The following BIN2 variants were observed in gnomAD, a reference collection of about 807,000 sequenced individuals.
BIN2 encodes bridging integrator 2, also known as breast cancer associated protein BRAP1.
Under a neutral mutation model 67.9 loss-of-function variants are expected in BIN2, and 43 were observed. That is an observed-to-expected ratio of 0.63 (90% confidence interval 0.50 to 0.82). The LOEUF is 0.82. Ranked by LOEUF, BIN2 falls within the 40% of genes least tolerant of loss-of-function variation. BIN2 has a pLI of 0.00. For missense variants in BIN2, 581 were observed against 671.6 expected, an observed-to-expected ratio of 0.87 and a Z score of 1.49; for synonymous variants, 244 against 246.8, an observed-to-expected ratio of 0.99 and a Z score of 0.11.
intron 1 of BIN2, among the ~76,000 whole-genome samples, chr12:51,318,616 A>G (rs528705429): frequency 6.6e-6 from 1 of 152,236 alleles, no homozygotes; most frequent in East Asian, 1.9e-4. Flanking sequence ...GCTGTAGTGG[A>G]TAAGATCAAG....
intron 2 of BIN2, among the ~76,000 whole-genome samples, chr12:51,313,463 C>T (rs375329118): frequency 1.3e-5 from 2 of 151,522 alleles, no homozygotes; most frequent in African/African-American, 2.4e-5. Context: ...CTCAGCCTGC[C>T]GAGTAGCTGG....
At chr12:51,296,993 C>T in intron 8 of BIN2, 96 bp downstream of exon 8, 1 of 1,147,606 alleles carries the variant, frequency 8.7e-7, no homozygotes. Context: ...TCTGTGGTGC[C>T]AATACGGATA....
chr12:51,284,638 C>A, intron 12 of BIN2, 78 bp downstream of exon 12: 1 of 1,145,912 alleles, frequency 8.7e-7, no homozygotes, highest in South Asian at 1.2e-5. Context: ...CCCTTGTAGC[C>A]TGTGGTGAAG....
chr12:51,288,814 A>G (rs1211885432), intron 10 of BIN2, among the ~76,000 whole-genome samples: 1 of 151,208 alleles, frequency 6.6e-6, no homozygotes, highest in African/African-American at 2.4e-5. Context: ...ACGTGGCACA[A>G]TCTTGGCTTA....
intron 1 of BIN2, among the ~76,000 whole-genome samples, chr12:51,319,425 G>A (rs1031590678): frequency 6.6e-6 from 1 of 152,232 alleles, no homozygotes; most frequent in Non-Finnish European, 1.5e-5. Flanking sequence ...TGTCATGGGT[G>A]TTCTTCCCAA....
chr12:51,324,372 G>A (rs183734518), upstream of BIN2: 25 of 1,304,664 alleles, frequency 1.9e-5, no homozygotes, highest in Admixed American at 2.2e-4. Context: ...CCGAAACCTC[G>A]GCCTCACTGA....
At chr12:51,324,422 G>T, upstream of BIN2, 1 of 1,428,318 alleles carries the variant, frequency 7.0e-7, no homozygotes, top group Non-Finnish European at 9.2e-7. Context: ...ACTCGCTCCG[G>T]AAAGCCAGTT....
chr12:51,291,196 A>G (rs1436342501), intron 10 of BIN2, among the ~76,000 whole-genome samples: 3 of 152,156 alleles, frequency 2.0e-5, no homozygotes, highest in Non-Finnish European at 4.4e-5. Context: ...TTACCCTAAA[A>G]GTAGATTACT....
chr12:51,303,332 T>C (rs1945781571), intron 2 of BIN2, among the ~76,000 whole-genome samples, 191 bp from the exon 3 acceptor site: 1 of 152,216 alleles, frequency 6.6e-6, no homozygotes, highest in Non-Finnish European at 1.5e-5. Flanking sequence ...TGTTAGTTTT[T>C]AAGATGGGTG....
At chr12:51,284,031 G>A (rs1444349476) in intron 12 of BIN2, among the ~76,000 whole-genome samples, 1 of 151,134 alleles carries the variant, frequency 6.6e-6, no homozygotes, top group African/African-American at 2.4e-5. Context: ...TTTTTTAATG[G>A]TGTAGCCTAA....
At chr12:51,320,974 A>ACACACACACACACACACACACACAC (rs1946264105) in intron 1 of BIN2, among the ~76,000 whole-genome samples, 1 of 69,576 alleles carries the variant, frequency 1.4e-5, no homozygotes, top group African/African-American at 4.7e-5. Context: ...CACACACTCT[A>ACACACACACACACACACACACACAC]AAGCCAGCTT....
intron 1 of BIN2, among the ~76,000 whole-genome samples, chr12:51,321,324 C>T (rs545542395): frequency 2.0e-5 from 3 of 152,114 alleles, no homozygotes; most frequent in Non-Finnish European, 4.4e-5. Flanking sequence ...TGCTAATAAC[C>T]TGCTTAAAGT....
rs776601257 is a variant in BIN2 at position 51,313,853 on chromosome 12, T to C, written c.132A>G (p.Glu44=). Reference sequence around the variant, plus strand: ...GTTGGTAGAAGTTGCTAGCGCTTTGTTCAAATCGTTCATCTTTGGTTTCTA... The same window carrying C: ...GTTGGTAGAAGTTGCTAGCGCTTTGCTCAAATCGTTCATCTTTGGTTTCTA... The part of the protein sequence containing the change: ...KAVETKDERF[E]QSASNFYQQQ... The change falls in exon 2 of 13, where the codon GAA becomes GAG. Residue 44 remains glutamate (E), a synonymous_variant. Transcript: ENST00000615107. 5.6e-6 allele frequency: 9 copies of C among 1,613,956 alleles called. No homozygotes were observed. The highest frequency in any genetic ancestry group is 7.6e-6 in the Non-Finnish European group (9 of 1,179,896).
intron 2 of BIN2, among the ~76,000 whole-genome samples, chr12:51,303,731 G>A (rs529436648): frequency 6.6e-6 from 1 of 152,012 alleles, no homozygotes; most frequent in South Asian, 2.1e-4. Context: ...ATTTTTTTAG[G>A]CTAGGAACCC....
Position 51,297,122 on chromosome 12 carries a change from G to GT in BIN2, c.644dup (p.Asn215LysfsTer31), listed in dbSNP as rs764540663. The GT allele has an allele frequency of 6.2e-7, 1 of 1,614,060 alleles. No individual in the cohort carries two copies. The highest frequency in any genetic ancestry group is 8.5e-7 in the Non-Finnish European group (1 of 1,179,962). On this transcript the variant is annotated frameshift_variant, in exon 8 of 13. Transcript: ENST00000615107. LOFTEE classifies it high-confidence loss of function. ...TTTCCCTGTAGAAGACATCCCTCAA[G>GT]TTGGAAATGTTTTGGAAGATGGTCA...
At chr12:51,291,133 A>G (rs1945369412) in intron 10 of BIN2, among the ~76,000 whole-genome samples, 1 of 152,184 alleles carries the variant, frequency 6.6e-6, no homozygotes, top group Admixed American at 6.6e-5. Context: ...TGGGTGACAG[A>G]GCGAGACTCC....
intron 9 of BIN2, among the ~76,000 whole-genome samples, chr12:51,293,567 C>T (rs1468104870): frequency 1.3e-5 from 2 of 152,300 alleles, no homozygotes; most frequent in African/African-American, 4.8e-5. Flanking sequence ...CTGCCTCGGC[C>T]TCCCAAAGTG....
chr12:51,324,233 T>TGGCCAGCCCTGA, upstream of BIN2: 1 of 1,453,060 alleles, frequency 6.9e-7, no homozygotes, highest in Non-Finnish European at 9.0e-7. Flanking sequence ...AGGCCGCCCC[T>TGGCCAGCCCTGA]GGCCAGCCCT....
At chr12:51,324,211 C>T, upstream of BIN2, 1 of 1,497,694 alleles carries the variant, frequency 6.7e-7, no homozygotes, top group South Asian at 1.3e-5. Context: ...GGCCCCAGCC[C>T]TGAGCCACCT....
Sources: gnomAD v4.1 joint callset for allele counts (sites outside exome capture counted in the v4.1 genomes callset) on GRCh38, gnomAD v4.1.1 for gene constraint, MANE v1.5 for transcripts, NCBI Gene and HGNC (gene_info 2026-07-23, HGNC 2026-07-21) for gene names.